Variants in LRRC37A2 observed in about 807,000 individuals in gnomAD.
LRRC37A2 encodes the protein leucine-rich repeat-containing protein 37A2.
LRRC37A2 carries 9 observed loss-of-function variants against 68.8 expected under a neutral mutation model. That is an observed-to-expected ratio of 0.13 (90% CI 0.08 to 0.23). The LOEUF (loss-of-function observed/expected upper bound fraction) is 0.23. Ranked by LOEUF, LRRC37A2 falls within the 10% of genes least tolerant of loss-of-function variation. LRRC37A2 has a pLI of 1.00. For synonymous variants in LRRC37A2, 63 were observed against 367.6 expected, an observed-to-expected ratio of 0.17 and a Z score of 9.48; for missense variants, 168 against 950.4, an observed-to-expected ratio of 0.18 and a Z score of 10.82.
At chr17:46,770,081 G>A in the LRRC37A2 span, 2 of 1,515,244 alleles carry the variant, frequency 1.3e-6, no homozygotes, top group Non-Finnish European at 1.8e-6. Context: ...CAGCACTCAG[G>A]ACCCGGCCTG....
At chr17:46,789,960 C>T in the LRRC37A2 span, among the ~76,000 whole-genome samples, 1 of 152,196 alleles carries the variant, frequency 6.6e-6, no homozygotes, top group Non-Finnish European at 1.5e-5. Flanking sequence ...CCTCATCCCC[C>T]CACGGCGCTG....
At chr17:46,939,054 G>T in the LRRC37A2 span, 1 of 1,263,296 alleles carries the variant, frequency 7.9e-7, no homozygotes, top group Non-Finnish European at 1.0e-6. Context: ...TGGTGGCTTT[G>T]TTCACATAGC....
the LRRC37A2 span, among the ~76,000 whole-genome samples, chr17:46,900,190 T>TACAC: frequency 3.7e-4 from 37 of 99,366 alleles, no homozygotes; most frequent in African/African-American, 1.8e-3. Context: ...TATATATATA[T>TACAC]ATATATATAT....
chr17:46,874,947 A>G, the LRRC37A2 span: 3 of 1,175,912 alleles, frequency 2.6e-6, no homozygotes, highest in South Asian at 1.2e-5. Context: ...ACCCACCCGG[A>G]GCTGTGTCCT....
the LRRC37A2 span, chr17:46,818,674 T>C: frequency 7.4e-7 from 1 of 1,354,582 alleles, no homozygotes; most frequent in Non-Finnish European, 1.0e-6. Flanking sequence ...TGGAACAAAG[T>C]CCACTTGAGA....
the LRRC37A2 span, among the ~76,000 whole-genome samples, chr17:46,848,784 A>G: frequency 6.6e-6 from 1 of 152,188 alleles, no homozygotes. Context: ...TCCTGCCTCC[A>G]CTACAGCTGG....
the LRRC37A2 span, among the ~76,000 whole-genome samples, chr17:46,887,430 T>TA: frequency 2.6e-4 from 39 of 148,208 alleles, 1 homozygote; most frequent in African/African-American, 3.0e-4. Context: ...CCTCATTCAT[T>TA]AAAAAAAAAA....
exon 10 of LRRC37A2, chr17:46,548,949 C>T (rs1292775036): frequency 6.2e-7 from 1 of 1,612,436 alleles, no homozygotes; most frequent in Non-Finnish European, 8.5e-7. Context: ...AGGTGAGAGA[C>T]AGATGGAAAG....
At chr17:46,809,043 A>G in the LRRC37A2 span, among the ~76,000 whole-genome samples, 1 of 152,188 alleles carries the variant, frequency 6.6e-6, no homozygotes, top group African/African-American at 2.4e-5. Context: ...TTTTAAAGTC[A>G]GAGAGAGGAG....
At chr17:46,708,601 C>T in the LRRC37A2 span, among the ~76,000 whole-genome samples, 1 of 148,094 alleles carries the variant, frequency 6.8e-6, no homozygotes, top group African/African-American at 2.5e-5. Flanking sequence ...AAGTGATTCT[C>T]CTGCCTCAGC....
chr17:46,970,591 A>C, the LRRC37A2 span, among the ~76,000 whole-genome samples: 1 of 151,228 alleles, frequency 6.6e-6, no homozygotes, highest in Non-Finnish European at 1.5e-5. Context: ...ACGCTGCAAC[A>C]TGAGGACTCC....
At chr17:46,892,081 G>A in the LRRC37A2 span, among the ~76,000 whole-genome samples, 3 of 151,680 alleles carry the variant, frequency 2.0e-5, no homozygotes, top group African/African-American at 4.8e-5. Context: ...ACCATGTCCA[G>A]CTAATTTTTG....
At chr17:46,773,786 G>A in the LRRC37A2 span, 4 of 1,613,478 alleles carry the variant, frequency 2.5e-6, no homozygotes, top group South Asian at 1.1e-5. Flanking sequence ...CCTCGGCCAC[G>A]CTGGGCATGA....
At chr17:46,821,199 G>A in the LRRC37A2 span, 3 of 152,306 alleles carry the variant, frequency 2.0e-5, no homozygotes, top group Admixed American at 2.0e-4. Context: ...GAATCTAGGA[G>A]CTGGCCATGT....
the LRRC37A2 span, among the ~76,000 whole-genome samples, chr17:46,694,292 T>C: frequency 1.2e-4 from 16 of 138,708 alleles, 5 homozygotes; most frequent in East Asian, 5.3e-3. Context: ...AAGGCTGAGA[T>C]AGGAGAATCG....
At chr17:46,807,413 C>T in the LRRC37A2 span, among the ~76,000 whole-genome samples, 3 of 152,084 alleles carry the variant, frequency 2.0e-5, no homozygotes, top group Non-Finnish European at 2.9e-5. Context: ...ACCCGGGAGG[C>T]GGAGGTTGCA....
chr17:46,823,183 ATATAT>A, the LRRC37A2 span, among the ~76,000 whole-genome samples: 8 of 126,908 alleles, frequency 6.3e-5, 1 homozygote, highest in African/African-American at 1.6e-4. Context: ...TTTATATATA[ATATAT>A]TATATATATT....
At chr17:46,960,426 C>G in the LRRC37A2 span, among the ~76,000 whole-genome samples, 1 of 152,194 alleles carries the variant, frequency 6.6e-6, no homozygotes, top group Admixed American at 6.5e-5. Context: ...GGAACAGCCA[C>G]TATGAAAAAC....
upstream of LRRC37A2, among the ~76,000 whole-genome samples, chr17:46,509,899 ACT>A (rs1350182462): frequency 8.8e-5 from 4 of 45,414 alleles, 1 homozygote; most frequent in African/African-American, 3.1e-4. Context: ...AGAGCAAGAC[ACT>A]CTCTCGAGGA....
Sources: gnomAD v4.1 joint callset for allele counts (sites outside exome capture counted in the v4.1 genomes callset) on GRCh38, gnomAD v4.1.1 for gene constraint, MANE v1.5 for transcripts, NCBI Gene and HGNC (gene_info 2026-07-23, HGNC 2026-07-21) for gene names.